TRIM42: variants seen among roughly 807,000 people sequenced by gnomAD.
The protein encoded by TRIM42 is tripartite motif containing 42.
In TRIM42, 59 loss-of-function variants were observed where a neutral mutation model predicts 64.9. The observed-to-expected ratio is 0.91, with a 90% CI of 0.74 to 1.13. The LOEUF (loss-of-function observed/expected upper bound fraction) is 1.13. Ranked by LOEUF, TRIM42 falls within the 50% of genes most tolerant of loss-of-function variation. The pLI, the probability that TRIM42 is intolerant of heterozygous loss-of-function variation, is 0.00. For missense variants in TRIM42, 878 were observed against 929.5 expected (o/e 0.94, Z 0.72); for synonymous variants, 354 against 346.3 (o/e 1.02, Z -0.25).
Position 140,688,526 on chromosome 3 carries a change from A to G in TRIM42, c.1844A>G (p.Tyr615Cys). ...ATTGTTATCTACCAGACTCTGGTGT[A>G]CCCAAGAGCTGCCAAGGTAAGAAAG... ...GPIVIYQTLVYPRAAKVYWTC... is the reference protein window; with the variant it reads ...GPIVIYQTLVCPRAAKVYWTC... The change falls in exon 3 of 5, where the codon TAC (tyrosine) becomes TGC (cysteine). Residue 615 changes from tyrosine (Y) to cysteine (C), a missense_variant. Physicochemically the swap from Tyr to Cys is radical, Grantham distance 194 (BLOSUM62 -2). Transcript: ENST00000286349. 1 of 1,609,098 alleles carries G rather than the reference A, an allele frequency of 6.2e-7. No homozygotes were observed.
chr3:140,686,208 T>C (rs9810295), intron 2 of TRIM42, among the ~76,000 whole-genome samples: 68,182 of 152,128 alleles, frequency 0.45, 16,656 homozygotes, highest in Non-Finnish European at 0.55. Context: ...TAGGTAACTA[T>C]TGAATAGTCA....
At position 140,700,928 on chromosome 3, in the gene TRIM42, G is replaced by T; in HGVS notation, c.2126G>T (p.Trp709Leu). 6.2e-7 allele frequency: 1 copy of T among 1,614,090 alleles called. No homozygotes were observed. Among genetic ancestry groups the T allele is most frequent in the East Asian group, 2.2e-5 (1 of 44,884 alleles). Residue 709 changes from tryptophan (W) to leucine (L), a missense_variant, in exon 5 of 5, where the codon TGG (tryptophan) becomes TTG (leucine). Coordinates refer to ENST00000286349, the MANE Select transcript of TRIM42 (RefSeq NM_152616.5). ...PDGHGKNRAK[W>L]GLLKNIQSAL... ...GGACATGGGAAGAACCGAGCTAAGT[G>T]GGGCCTGCTGAAGAATATCCAGTCT...
At position 140,688,433 on chromosome 3, in the gene TRIM42, T is replaced by A; in HGVS notation, c.1751T>A (p.Val584Glu). ...AGTGCTGGAGCAGACAGCCAGTCTG[T>A]ACAGAACAGCAGCAGCTTCCACAAC... ...YWSAGADSQSVQNSSSFHNWY... is the reference protein window; with the variant it reads ...YWSAGADSQSEQNSSSFHNWY... The change falls in exon 3 of 5, where the codon GTA becomes GAA. Residue 584 changes from valine (V) to glutamate (E), a missense_variant. Val to Glu is a moderately radical substitution (Grantham distance 121). Transcript: ENST00000286349. 1 of 1,614,168 alleles carries A rather than the reference T, an allele frequency of 6.2e-7. No homozygotes were observed. The highest frequency in any genetic ancestry group is 1.3e-5 in the African/African-American group (1 of 75,030).
chr3:140,679,185 G>T (rs1988294979), intron 1 of TRIM42, among the ~76,000 whole-genome samples: 1 of 152,088 alleles, frequency 6.6e-6, no homozygotes, highest in Admixed American at 6.6e-5. Flanking sequence ...GGAAAAGAAA[G>T]AACTTCTATG....
chr3:140,682,524 C>T lies in TRIM42; in HGVS notation c.404C>T (p.Pro135Leu). The change falls in exon 2 of 5, where the codon CCA (proline) becomes CTA (leucine). Residue 135 changes from proline (P) to leucine (L), a missense_variant. Pro to Leu is a moderately conservative substitution (Grantham distance 98). Coordinates refer to ENST00000286349, the MANE Select transcript of TRIM42 (RefSeq NM_152616.5). ...DTQVDEVKSI[P>L]ANSHLVNHLN... ...CAGGTGGATGAAGTAAAGTCAATACCAGCCAACAGTCACCTGGTGAACCAC... is the reference window on the plus strand; with the variant it reads ...CAGGTGGATGAAGTAAAGTCAATACTAGCCAACAGTCACCTGGTGAACCAC... The T allele has an allele frequency of 6.2e-7, 1 of 1,614,222 alleles. No homozygotes were observed. Among genetic ancestry groups the T allele is most frequent in the Non-Finnish European group, 8.5e-7 (1 of 1,180,040 alleles).
Position 140,678,115 on chromosome 3 carries a change from A to T in TRIM42, c.-115A>T. On this transcript the variant is annotated 5_prime_UTR_variant, in exon 1 of 5. The change creates a new upstream start codon in the 5' untranslated region. Transcript: ENST00000286349. ...AACAGCCAACTTCTTGCAACTTTCA[A>T]GCTGACGGCCTCAGGAATGGGAGGA... 1.0e-6 allele frequency: 1 copy of T among 984,730 alleles called. No individual in the cohort carries two copies. Among genetic ancestry groups the T allele is most frequent in the Non-Finnish European group, 1.6e-6 (1 of 644,696 alleles). The allele number at this position is 984,730 out of a possible 1,614,324, so 61.0% of individuals were successfully genotyped here. A position where few individuals can be genotyped will look rare whatever the true frequency, so the allele number is the denominator to read the frequency against.
chr3:140,693,940 G>C (rs1988785973), intron 4 of TRIM42, among the ~76,000 whole-genome samples: 1 of 152,206 alleles, frequency 6.6e-6, no homozygotes, highest in African/African-American at 2.4e-5. Flanking sequence ...AGGAGGAAGT[G>C]ATTGCTTCCA....
At chr3:140,681,355 C>T (rs914613725) in intron 1 of TRIM42, among the ~76,000 whole-genome samples, 1 of 152,168 alleles carries the variant, frequency 6.6e-6, no homozygotes. Flanking sequence ...CAGTTAAGCA[C>T]TTACATGGAT....
chr3:140,693,637 C>T (rs1559939437), intron 4 of TRIM42, among the ~76,000 whole-genome samples: 1 of 152,176 alleles, frequency 6.6e-6, no homozygotes, highest in Non-Finnish European at 1.5e-5. Flanking sequence ...GGCATCAGTT[C>T]TATGCAGGTA....
chr3:140,689,654 G>C (rs942354967), intron 3 of TRIM42, among the ~76,000 whole-genome samples: 2 of 151,794 alleles, frequency 1.3e-5, no homozygotes, highest in South Asian at 2.1e-4. Flanking sequence ...ATGTTTTATT[G>C]TCTATAATTA....
In TRIM42 at chr3:140,689,273, GA is replaced by G. The variant is rs557713493; in HGVS notation, c.1860+738del. On this transcript the variant is annotated intron_variant, in intron 3 of 4. Coordinates refer to ENST00000286349, the MANE Select transcript of TRIM42 (RefSeq NM_152616.5). ...GAACACTTTATTAAGGTTTATGGAG[GA>G]AAAAAATTAACATGCAACTAAATAT... Among the ~76,000 whole-genome samples the G allele has an allele frequency of 4.6e-3, 696 of 152,254 alleles. 5 individuals carry two copies. Among genetic ancestry groups the G allele is most frequent in the Non-Finnish European group, 7.4e-3 (505 of 68,004 alleles).
At position 140,688,057 on chromosome 3, in the gene TRIM42, A is replaced by G; in HGVS notation, c.1375A>G (p.Thr459Ala). 1 of 1,614,178 alleles carries G rather than the reference A, an allele frequency of 6.2e-7. No homozygotes were observed. The highest frequency in any genetic ancestry group is 8.5e-7 in the Non-Finnish European group (1 of 1,180,024). ...LVDQIEDGIQTTYRPDPQLRL... is the reference protein window; with the variant it reads ...LVDQIEDGIQATYRPDPQLRL... ...GGACCAGATCGAGGACGGCATCCAG[A>G]CCACCTACAGGCCTGACCCACAGCT... is the stretch of plus-strand genomic sequence containing the variant. Residue 459 changes from threonine (T) to alanine (A), a missense_variant, in exon 3 of 5, where the codon ACC becomes GCC. By Grantham distance (58) the Thr-to-Ala change is moderately conservative (BLOSUM62 0). Transcript: ENST00000286349.
chr3:140,683,292 C>T, intron 2 of TRIM42, 133 bp downstream of exon 2: 1 of 907,040 alleles, frequency 1.1e-6, no homozygotes, highest in Non-Finnish European at 1.7e-6. Context: ...CCAGGAAACA[C>T]TGTGCTACCC....
At chr3:140,683,654 T>C (rs1290612016) in intron 2 of TRIM42, among the ~76,000 whole-genome samples, 1 of 152,204 alleles carries the variant, frequency 6.6e-6, no homozygotes, top group African/African-American at 2.4e-5. Flanking sequence ...ATTAAGTCAG[T>C]GCTGAGAATT....
chr3:140,694,422 C>T (rs765278281), intron 4 of TRIM42, among the ~76,000 whole-genome samples: 9 of 152,264 alleles, frequency 5.9e-5, no homozygotes, highest in East Asian at 1.9e-4. Context: ...AAGTCATGTA[C>T]GTGTTGACCT....
chr3:140,694,893 G>A (rs1328245386), intron 4 of TRIM42, among the ~76,000 whole-genome samples: 2 of 152,080 alleles, frequency 1.3e-5, no homozygotes, highest in South Asian at 2.1e-4. Context: ...CTTCCACCTT[G>A]AAGGTCCCTT....
intron 4 of TRIM42, among the ~76,000 whole-genome samples, chr3:140,693,146 AT>A (rs1313978680): frequency 6.6e-6 from 1 of 152,250 alleles, no homozygotes. Context: ...CAAATAAGGA[AT>A]GTCTAAATTA....
At chr3:140,695,324 G>A (rs571251207) in intron 4 of TRIM42, among the ~76,000 whole-genome samples, 2 of 152,090 alleles carry the variant, frequency 1.3e-5, no homozygotes, top group Non-Finnish European at 2.9e-5. Flanking sequence ...ATATTCAAAG[G>A]TTCTGGGATT....
intron 1 of TRIM42, among the ~76,000 whole-genome samples, 162 bp from the exon 2 acceptor site, chr3:140,682,300 G>C (rs927716654): frequency 6.6e-6 from 1 of 152,124 alleles, no homozygotes; most frequent in Non-Finnish European, 1.5e-5. Flanking sequence ...GCTGAAAAAC[G>C]GTGGAGACAG....
Sources: allele counts gnomAD v4.1 joint callset (sites outside exome capture counted in the v4.1 genomes callset), GRCh38; gene constraint gnomAD v4.1.1; transcripts MANE v1.5; gene names NCBI Gene and HGNC (gene_info 2026-07-23, HGNC 2026-07-21).